The following RXFP1 variants were observed in gnomAD, a reference collection of about 807,000 sequenced individuals.
RXFP1 encodes relaxin receptor 1.
In RXFP1, 73 loss-of-function variants were observed where a neutral mutation model predicts 89.8. The observed-to-expected ratio is 0.81, with a 90% CI of 0.67 to 0.99. The LOEUF (loss-of-function observed/expected upper bound fraction) is 0.99. Among genes scored for constraint, RXFP1 ranks in the 50% least tolerant of loss-of-function variants. The pLI, the probability that RXFP1 is intolerant of heterozygous loss-of-function variation, is 0.00. For missense variants in RXFP1, 793 were observed against 895.5 expected (o/e 0.89, Z 1.46); for synonymous variants, 277 against 305.5 (o/e 0.91, Z 0.97).
intron 1 of RXFP1, among the ~76,000 whole-genome samples, chr4:158,566,531 C>A (rs1348573777): frequency 6.6e-6 from 1 of 151,988 alleles, no homozygotes; most frequent in Non-Finnish European, 1.5e-5. Context: ...ACCCAGCTAA[C>A]CTTTTGCATT....
At chr4:158,588,797 A>G (rs1053083154) in intron 2 of RXFP1, among the ~76,000 whole-genome samples, 8 of 152,182 alleles carry the variant, frequency 5.3e-5, no homozygotes, top group African/African-American at 1.7e-4. Flanking sequence ...GCTGTTCCTC[A>G]TGATCTGTTC....
intron 14 of RXFP1, among the ~76,000 whole-genome samples, chr4:158,641,682 T>C (rs1770405936): frequency 6.6e-6 from 1 of 152,222 alleles, no homozygotes; most frequent in South Asian, 2.1e-4. Flanking sequence ...TCTTTTCTTA[T>C]TATAGCTCTT....
chr4:158,536,520 T>C (rs898231606), intron 1 of RXFP1, among the ~76,000 whole-genome samples: 1 of 152,170 alleles, frequency 6.6e-6, no homozygotes, highest in African/African-American at 2.4e-5. Context: ...TCTAGAGAAA[T>C]AGCTTGCTCA....
At chr4:158,628,870 T>A (rs1465144752) in intron 11 of RXFP1, among the ~76,000 whole-genome samples, 161 bp downstream of exon 11, 1 of 151,554 alleles carries the variant, frequency 6.6e-6, no homozygotes, top group African/African-American at 2.4e-5. Context: ...TCAGATGGCA[T>A]ACAAAAAATA....
rs1253839480 is a variant in RXFP1 at position 158,572,849 on chromosome 4, C to G, written c.187+14C>G. On this transcript the variant is annotated intron_variant, in intron 2 of 17. Coordinates refer to ENST00000307765, the MANE Select transcript of RXFP1 (RefSeq NM_021634.4). ...AGGACAACTGTGGTGAGTGAAGCCC[C>G]TGCAGTCACGGTGAGAGAAAGGAGC... 9 of 1,613,782 alleles carry G rather than the reference C, an allele frequency of 5.6e-6. No individual in the cohort carries two copies. Among genetic ancestry groups the G allele is most frequent in the Admixed American group, 3.3e-5 (2 of 60,000 alleles).
rs567883866 is a variant in RXFP1, at chr4:158,608,193, T to C, written c.536+150T>C. The C allele has an allele frequency of 5.8e-6, 3 of 516,600 alleles. No homozygotes were observed. In the South Asian group the frequency reaches 9.3e-5, roughly 16 times the overall value. The allele number at this position is 516,600 out of a possible 1,614,324, so 32.0% of individuals were successfully genotyped here. On this transcript the variant is annotated intron_variant, in intron 6 of 17. Coordinates refer to ENST00000307765, the MANE Select transcript of RXFP1 (RefSeq NM_021634.4). ...CAGTAGAGCACCGTGGCTAAGAGCA[T>C]AGGATTGTGAGTTAGACAGGCTTCA...
rs1768483212 is a variant in RXFP1, at chr4:158,633,350, A to G, written c.900-55A>G. On this transcript the variant is annotated intron_variant, in intron 11 of 17. Transcript: ENST00000307765. ...TAGTGGTTTCCTAATGAATTTCAGA[A>G]CAATGAGTAAAGTCTTAAGAAAATA... is the stretch of plus-strand genomic sequence containing the variant. The G allele has an allele frequency of 1.6e-5, 18 of 1,150,362 alleles. No homozygotes were observed. In the South Asian group the frequency reaches 1.9e-4, roughly 12 times the overall value. 71.3% of individuals were successfully genotyped at this position (1,150,362 alleles called of 1,614,324 possible). A position where few individuals can be genotyped will look rare whatever the true frequency, so the allele number is the denominator to read the frequency against.
At chr4:158,625,646 G>T (rs1441462800) in intron 9 of RXFP1, among the ~76,000 whole-genome samples, 10 of 151,980 alleles carry the variant, frequency 6.6e-5, no homozygotes, top group African/African-American at 2.2e-4. Flanking sequence ...TATTTGATTT[G>T]TCAGCATCTA....
chr4:158,628,425 T>C (rs1207374029), intron 10 of RXFP1, among the ~76,000 whole-genome samples: 2 of 152,208 alleles, frequency 1.3e-5, no homozygotes, highest in African/African-American at 2.4e-5. Flanking sequence ...CCTATTTCAC[T>C]TAAAATTTTG....
chr4:158,554,468 T>C (rs1750833014), intron 1 of RXFP1, among the ~76,000 whole-genome samples: 1 of 152,206 alleles, frequency 6.6e-6, no homozygotes, highest in Non-Finnish European at 1.5e-5. Flanking sequence ...ATGTCTTTTA[T>C]CTTATACAAA....
intron 1 of RXFP1, 133 bp from the exon 2 acceptor site, chr4:158,572,565 C>G: frequency 1.3e-6 from 1 of 769,238 alleles, no homozygotes; most frequent in South Asian, 1.7e-5. Flanking sequence ...TAGAAAATAA[C>G]TGGCATCAGG....
intron 4 of RXFP1, among the ~76,000 whole-genome samples, chr4:158,604,391 T>C (rs568218902): frequency 6.6e-6 from 1 of 152,322 alleles, no homozygotes; most frequent in South Asian, 2.1e-4. Flanking sequence ...TACACTGGTT[T>C]TGGTTTTTTT....
At chr4:158,525,565 C>T (rs931606303) in intron 1 of RXFP1, among the ~76,000 whole-genome samples, 3 of 152,132 alleles carry the variant, frequency 2.0e-5, no homozygotes, top group Non-Finnish European at 2.9e-5. Context: ...AACTAAAATG[C>T]CTGGAGTTGA....
chr4:158,543,335 G>A (rs972686302), intron 1 of RXFP1, among the ~76,000 whole-genome samples: 9 of 152,348 alleles, frequency 5.9e-5, no homozygotes, highest in African/African-American at 1.4e-4. Context: ...AAGGGGAAGA[G>A]TGATGTAAAG....
chr4:158,631,197 T>C (rs773947361), intron 11 of RXFP1, among the ~76,000 whole-genome samples: 6 of 152,208 alleles, frequency 3.9e-5, no homozygotes, highest in Non-Finnish European at 7.3e-5. Flanking sequence ...CCACCAGTAA[T>C]TGTTGAACAA....
At chr4:158,607,275 TG>T (rs1762701264) in intron 5 of RXFP1, 4 of 639,426 alleles carry the variant, frequency 6.3e-6, no homozygotes, top group Non-Finnish European at 1.1e-5. Flanking sequence ...CCTGCATTCT[TG>T]TCTTGACATT....
intron 17 of RXFP1, 105 bp downstream of exon 17, chr4:158,648,822 G>A: frequency 1.3e-6 from 1 of 745,604 alleles, no homozygotes; most frequent in South Asian, 2.0e-5. Flanking sequence ...TCAAAGAATT[G>A]TACATCAGAT....
chr4:158,589,386 T>C (rs1362932987), intron 2 of RXFP1, among the ~76,000 whole-genome samples: 2 of 152,226 alleles, frequency 1.3e-5, no homozygotes, highest in Non-Finnish European at 2.9e-5. Flanking sequence ...ACCATTCTCA[T>C]GCAAATTCCT....
At chr4:158,546,342 G>C (rs1453546508) in intron 1 of RXFP1, among the ~76,000 whole-genome samples, 1 of 152,172 alleles carries the variant, frequency 6.6e-6, no homozygotes, top group Non-Finnish European at 1.5e-5. Context: ...AGCTTAAAGA[G>C]ATTTTGGGCT....
Sources: gnomAD v4.1 joint callset for allele counts (sites outside exome capture counted in the v4.1 genomes callset) on GRCh38, gnomAD v4.1.1 for gene constraint, MANE v1.5 for transcripts, NCBI Gene and HGNC (gene_info 2026-07-23, HGNC 2026-07-21) for gene names.